Variants in OR5K1 observed in about 807,000 individuals in gnomAD.
The protein encoded by OR5K1 is olfactory receptor 5K1.
In OR5K1, 7 loss-of-function variants were observed where a neutral mutation model predicts 10.4. The ratio of observed to expected loss-of-function variants is 0.67; its 90% CI spans 0.38 to 1.26. The LOEUF is 1.26. Ranked by LOEUF, OR5K1 falls within the 50% of genes most tolerant of loss-of-function variation. The pLI is 0.02. For missense variants in OR5K1, 435 were observed against 366.2 expected (o/e 1.19, Z -1.53); for synonymous variants, 135 against 128.5 (o/e 1.05, Z -0.34).
At position 98,469,698 on chromosome 3, in the gene OR5K1, G is replaced by C; in HGVS notation, c.122G>C (p.Gly41Ala). ...FFAIYLITVV[G>A]NISLVALIFT... ...GCCATCTATCTGATCACCGTGGTGG[G>C]GAATATTAGTTTGGTGGCACTGATA... Residue 41 changes from glycine to alanine, a missense_variant, in exon 2 of 2, where the codon GGG becomes GCG. Gly to Ala is a moderately conservative substitution (Grantham distance 60). Coordinates refer to ENST00000642057, the MANE Select transcript of OR5K1 (RefSeq NM_001004736.4). 6.2e-7 allele frequency: 1 copy of C among 1,613,710 alleles called. No homozygotes were observed. The highest frequency in any genetic ancestry group is 8.5e-7 in the Non-Finnish European group (1 of 1,179,778).
rs1705467617 is a variant in OR5K1 at position 98,472,873 on chromosome 3, A to G, written c.*2370A>G. On this transcript the variant is annotated 3_prime_UTR_variant, in exon 2 of 2. Transcript: ENST00000642057. ...GGTTATGGGAGAAAAATATCTGATA[A>G]AATGAATATTTTTAAAATCTCGACT... 6.6e-6 allele frequency: 1 copy of G among 151,932 alleles called. No individual in the cohort carries two copies. The allele number at this position is 151,932 out of a possible 1,614,324, so 9.4% of individuals were successfully genotyped here.
At chr3:98,465,856 T>C (rs1705366818) in intron 1 of OR5K1, among the ~76,000 whole-genome samples, 1 of 151,560 alleles carries the variant, frequency 6.6e-6, no homozygotes, top group African/African-American at 2.4e-5. Flanking sequence ...TTAATTTTTA[T>C]TCATGATTTT....
rs187850780 is a variant in OR5K1 at position 98,470,017 on chromosome 3, G to A, written c.441G>A (p.Gly147=). 20 of 1,613,450 alleles carry A rather than the reference G, an allele frequency of 1.2e-5. No homozygotes were observed. Among genetic ancestry groups the A allele is most frequent in the African/African-American group, 4.0e-5 (3 of 74,820 alleles). The part of the protein sequence containing the change: ...SKKLCIQMTT[G]AFIAGNLHSM... ...AACTCTGCATTCAGATGACCACAGG[G>A]GCCTTCATAGCTGGAAACCTGCATT... Residue 147 remains glycine, a synonymous_variant, in exon 2 of 2, where the codon GGG becomes GGA. Coordinates refer to ENST00000642057, the MANE Select transcript of OR5K1 (RefSeq NM_001004736.4).
rs1417395475 is a variant in OR5K1 at position 98,472,513 on chromosome 3, T to A, written c.*2010T>A. The A allele has an allele frequency of 1.3e-5, 2 of 151,944 alleles. No homozygotes were observed. Among genetic ancestry groups the A allele is most frequent in the East Asian group, 1.9e-4 (1 of 5,174 alleles). The allele number at this position is 151,944 out of a possible 1,614,324, so 9.4% of individuals were successfully genotyped here. On this transcript the variant is annotated 3_prime_UTR_variant, in exon 2 of 2. Transcript: ENST00000642057. ...AGAACCTTTTCCAGGCAACACGAAC[T>A]CTTCCCTTCTTGATGTTGCTTTTTT...
Position 98,469,590 on chromosome 3 carries a change from A to G in OR5K1, c.14A>G (p.Asn5Ser). 6.2e-7 allele frequency: 1 copy of G among 1,608,654 alleles called. No individual in the cohort carries two copies. The highest frequency in any genetic ancestry group is 1.1e-5 in the South Asian group (1 of 90,384). The change falls in exon 2 of 2, where the codon AAT (asparagine) becomes AGT (serine). Residue 5 changes from asparagine (N) to serine (S), a missense_variant. Transcript: ENST00000642057. MAEE[N>S]HTMKNEFILT... ...GACAAGTCAGGAATGGCTGAAGAAAATCATACCATGAAAAATGAGTTTATC... is the reference window on the plus strand; with the variant it reads ...GACAAGTCAGGAATGGCTGAAGAAAGTCATACCATGAAAAATGAGTTTATC...
chr3:98,469,978 C>T lies in OR5K1; in HGVS notation c.402C>T (p.Ile134=), dbSNP rs751933541. Residue 134 remains isoleucine, a synonymous_variant, in exon 2 of 2, where the codon ATC becomes ATT. Coordinates refer to ENST00000642057, the MANE Select transcript of OR5K1 (RefSeq NM_001004736.4). Reference sequence around the variant, plus strand: ...TATGCAACCCACTGCAGTACCACATCATGATGTCCAAGAAACTCTGCATTC... The same window carrying T: ...TATGCAACCCACTGCAGTACCACATTATGATGTCCAAGAAACTCTGCATTC... The part of the protein sequence containing the change: ...VAICNPLQYH[I]MMSKKLCIQM... The T allele has an allele frequency of 3.1e-6, 5 of 1,613,584 alleles. No homozygotes were observed. Among genetic ancestry groups the T allele is most frequent in the Non-Finnish European group, 4.2e-6 (5 of 1,179,812 alleles).
rs769635407 is a variant in OR5K1, at chr3:98,470,140, T to C, written c.564T>C (p.Ser188=). 11 of 1,613,460 alleles carry C rather than the reference T, an allele frequency of 6.8e-6. No individual in the cohort carries two copies. In the South Asian group the frequency reaches 8.8e-5, roughly 13 times the overall value. ...YCDILPLYRL[S]CVDPYINELV... is the part of the protein sequence containing the mutation. Reference sequence around the variant, plus strand: ...ATATTCTTCCCTTGTATAGACTCTCTTGTGTTGATCCTTATATCAATGAAC... The same window carrying C: ...ATATTCTTCCCTTGTATAGACTCTCCTGTGTTGATCCTTATATCAATGAAC... The change falls in exon 2 of 2, where the codon TCT becomes TCC. Residue 188 remains serine (S), a synonymous_variant. Coordinates refer to ENST00000642057, the MANE Select transcript of OR5K1 (RefSeq NM_001004736.4).
At chr3:98,465,146 A>G (rs187248280) in intron 1 of OR5K1, among the ~76,000 whole-genome samples, 1 of 152,194 alleles carries the variant, frequency 6.6e-6, no homozygotes, top group Non-Finnish European at 1.5e-5. Flanking sequence ...AGAAAAAACT[A>G]GTAATATTTT....
chr3:98,472,384 A>T lies in OR5K1; in HGVS notation c.*1881A>T, dbSNP rs1705459727. ...ACAATGTAGGATTTTGAAAGCTTAC[A>T]TGGGTCCCTTTTGAAGGTCCCTTTT... is the stretch of plus-strand genomic sequence containing the variant. On this transcript the variant is annotated 3_prime_UTR_variant, in exon 2 of 2. Transcript: ENST00000642057. The T allele has an allele frequency of 6.6e-6, 1 of 151,908 alleles. No homozygotes were observed. Among genetic ancestry groups the T allele is most frequent in the South Asian group, 2.1e-4 (1 of 4,826 alleles). 9.4% of individuals were successfully genotyped at this position (151,908 alleles called of 1,614,324 possible).
chr3:98,472,918 G>A lies in OR5K1; in HGVS notation c.*2415G>A, dbSNP rs1242525289. The A allele has an allele frequency of 6.6e-6, 1 of 151,502 alleles. No homozygotes were observed. The highest frequency in any genetic ancestry group is 1.5e-5 in the Non-Finnish European group (1 of 67,774). 9.4% of individuals were successfully genotyped at this position (151,502 alleles called of 1,614,324 possible). ...TCGACTCATTTTATGGTATGCAGAG[G>A]AAAACAGACATGTTTAAAACAATAT... On this transcript the variant is annotated 3_prime_UTR_variant, in exon 2 of 2. Coordinates refer to ENST00000642057, the MANE Select transcript of OR5K1 (RefSeq NM_001004736.4).
At chr3:98,469,478 G>A (rs906651470) in intron 1 of OR5K1, 88 bp from the exon 2 acceptor site, 6 of 1,234,938 alleles carry the variant, frequency 4.9e-6, no homozygotes, top group Non-Finnish European at 5.6e-6. Flanking sequence ...CATTGTGGAA[G>A]ATGCTCTCCT....
At position 98,472,247 on chromosome 3, in the gene OR5K1, T is replaced by TCC. The variant is rs141449457; in HGVS notation, c.*1745_*1746insCC. The TCC allele has an allele frequency of 4.6e-5, 7 of 151,742 alleles. No homozygotes were observed. 9.4% of individuals were successfully genotyped at this position (151,742 alleles called of 1,614,324 possible). ...GCTTTGGGTTGGCTGGCTCTCTCTC[T>TCC]CTTACTCTTCATCTGCTAATTTCTG... On this transcript the variant is annotated 3_prime_UTR_variant, in exon 2 of 2. Coordinates refer to ENST00000642057, the MANE Select transcript of OR5K1 (RefSeq NM_001004736.4).
At chr3:98,467,237 C>G (rs1044579254) in intron 1 of OR5K1, among the ~76,000 whole-genome samples, 1 of 76,958 alleles carries the variant, frequency 1.3e-5, no homozygotes, top group Non-Finnish European at 2.4e-5. Context: ...TCTGAGGGCT[C>G]TGTTCTGTTC....
intron 1 of OR5K1, among the ~76,000 whole-genome samples, chr3:98,465,276 T>G (rs1335025806): frequency 1.3e-5 from 2 of 152,214 alleles, no homozygotes; most frequent in Non-Finnish European, 2.9e-5. Context: ...CTATCTATTT[T>G]ATCATTACAA....
At chr3:98,468,648 G>T (rs1247625485) in intron 1 of OR5K1, among the ~76,000 whole-genome samples, 1 of 152,048 alleles carries the variant, frequency 6.6e-6, no homozygotes, top group African/African-American at 2.4e-5. Flanking sequence ...TAACATGTCA[G>T]AATTTCTTCC....
chr3:98,472,587 T>G lies in OR5K1; in HGVS notation c.*2084T>G, dbSNP rs917293137. ...TCTAGGATGATACTTAGTTTTCACATCATTACAAATGTTTCCCAAATGTAC... is the reference window on the plus strand; with the variant it reads ...TCTAGGATGATACTTAGTTTTCACAGCATTACAAATGTTTCCCAAATGTAC... On this transcript the variant is annotated 3_prime_UTR_variant, in exon 2 of 2. Coordinates refer to ENST00000642057, the MANE Select transcript of OR5K1 (RefSeq NM_001004736.4). 2 of 151,970 alleles carry G rather than the reference T, an allele frequency of 1.3e-5. No individual in the cohort carries two copies. The highest frequency in any genetic ancestry group is 2.4e-5 in the African/African-American group (1 of 41,392). The allele number at this position is 151,970 out of a possible 1,614,324, so 9.4% of individuals were successfully genotyped here. A position where few individuals can be genotyped will look rare whatever the true frequency, so the allele number is the denominator to read the frequency against.
rs79786437 is a variant in OR5K1, at chr3:98,468,113, A to G, written c.-11-1453A>G. On this transcript the variant is annotated intron_variant, in intron 1 of 1. Transcript: ENST00000642057. ...ATAAATAACCTGGATGGTTTCTAGT[A>G]TAGGCATTTTTTCTCATTTCCCCTA... is the stretch of plus-strand genomic sequence containing the variant. 6.2e-3 allele frequency among the ~76,000 whole-genome samples: 941 copies of G among 152,138 alleles called. 15 individuals are homozygous for G. The highest frequency in any genetic ancestry group is 0.022 in the African/African-American group (906 of 41,528).
chr3:98,464,174 T>G (rs528166626), intron 1 of OR5K1, among the ~76,000 whole-genome samples: 10 of 152,242 alleles, frequency 6.6e-5, no homozygotes, highest in African/African-American at 2.4e-4. Context: ...GAGAATCCCT[T>G]GAACCTGGGA....
chr3:98,471,407 T>A lies in OR5K1; in HGVS notation c.*904T>A, dbSNP rs1036338539. Reference sequence around the variant, plus strand: ...AACTGTAGGTAGAGTTTATCTAATTTTTTTTTCTTTTCACTATTGCAAAAC... The same window carrying A: ...AACTGTAGGTAGAGTTTATCTAATTATTTTTTCTTTTCACTATTGCAAAAC... On this transcript the variant is annotated 3_prime_UTR_variant, in exon 2 of 2. Coordinates refer to ENST00000642057, the MANE Select transcript of OR5K1 (RefSeq NM_001004736.4). The A allele has an allele frequency of 6.6e-6, 1 of 152,000 alleles. No individual in the cohort carries two copies. Among genetic ancestry groups the A allele is most frequent in the Non-Finnish European group, 1.5e-5 (1 of 67,960 alleles). 9.4% of individuals were successfully genotyped at this position (152,000 alleles called of 1,614,324 possible).
Sources: allele counts gnomAD v4.1 joint callset (sites outside exome capture counted in the v4.1 genomes callset), GRCh38; gene constraint gnomAD v4.1.1; transcripts MANE v1.5; gene names NCBI Gene and HGNC (gene_info 2026-07-23, HGNC 2026-07-21).